Variants in SMYD3 observed in about 807,000 individuals in gnomAD.
SMYD3 encodes the protein histone-lysine N-methyltransferase SMYD3.
SMYD3 carries 36 observed loss-of-function variants against 57.7 expected under a neutral mutation model. The ratio of observed to expected loss-of-function variants is 0.62; its 90% confidence interval spans 0.48 to 0.82. SMYD3 has a LOEUF of 0.82. Ranked by LOEUF, SMYD3 falls within the 40% of genes least tolerant of loss-of-function variation. The pLI is 0.00. For synonymous variants in SMYD3, 211 were observed against 195.0 expected (o/e 1.08, Z -0.68); for missense variants, 515 against 538.8 (o/e 0.96, Z 0.44).
chr1:245,954,444 C>T (rs778371266), intron 5 of SMYD3, among the ~76,000 whole-genome samples: 16 of 152,126 alleles, frequency 1.1e-4, no homozygotes, highest in Admixed American at 5.9e-4. Flanking sequence ...GAGACTGAGG[C>T]GGGCAGATTA....
intron 5 of SMYD3, among the ~76,000 whole-genome samples, chr1:246,157,828 T>A (rs1438744968): frequency 1.3e-5 from 2 of 152,244 alleles, no homozygotes; most frequent in African/African-American, 4.8e-5. Context: ...AATCGCAAGC[T>A]TCTGATCACT....
At chr1:246,093,879 A>G (rs911267326) in intron 5 of SMYD3, among the ~76,000 whole-genome samples, 3 of 152,160 alleles carry the variant, frequency 2.0e-5, no homozygotes, top group Admixed American at 6.5e-5. Flanking sequence ...ATTCATTGGC[A>G]GTCCCCTTCT....
At chr1:246,418,311 C>T (rs1413244350) in intron 1 of SMYD3, among the ~76,000 whole-genome samples, 1 of 152,208 alleles carries the variant, frequency 6.6e-6, no homozygotes, top group African/African-American at 2.4e-5. Context: ...GTTCCCTTGT[C>T]CCCCTCTGCC....
chr1:246,108,409 T>C lies in SMYD3; in HGVS notation c.532-178472A>G, dbSNP rs184176362. On this transcript the variant is annotated intron_variant, in intron 5 of 11. Coordinates refer to ENST00000490107, the MANE Select transcript of SMYD3 (RefSeq NM_001167740.2). ...CGTACTTAAAATCTCAGCAAAGAGA[T>C]CACACCCTCACACAATTAATGTTAT... Among the ~76,000 whole-genome samples, 20 of 152,288 alleles carry C rather than the reference T, an allele frequency of 1.3e-4. No individual in the cohort carries two copies. In the East Asian group the frequency reaches 3.5e-3, roughly 26 times the overall value.
chr1:245,927,573 C>T (rs901450633), intron 7 of SMYD3, among the ~76,000 whole-genome samples: 2 of 152,154 alleles, frequency 1.3e-5, no homozygotes, highest in South Asian at 2.1e-4. Flanking sequence ...CCCCTGCCCA[C>T]GGAAGGATAT....
chr1:245,879,483 G>T (rs1674530169), intron 8 of SMYD3, among the ~76,000 whole-genome samples: 1 of 152,220 alleles, frequency 6.6e-6, no homozygotes, highest in Admixed American at 6.5e-5. Flanking sequence ...ACGCTTCAGT[G>T]CTCTCTGAGC....
At chr1:246,047,509 G>C (rs1009062419) in intron 5 of SMYD3, among the ~76,000 whole-genome samples, 2 of 152,162 alleles carry the variant, frequency 1.3e-5, no homozygotes, top group African/African-American at 4.8e-5. Flanking sequence ...ATACACAAAA[G>C]AATTTCTAGA....
At chr1:246,323,983 C>T (rs2065293701) in intron 5 of SMYD3, among the ~76,000 whole-genome samples, 1 of 152,096 alleles carries the variant, frequency 6.6e-6, no homozygotes, top group Admixed American at 6.5e-5. Flanking sequence ...CTGATAGAAA[C>T]ATGAAGATTC....
chr1:245,833,725 C>A (rs991465996), intron 10 of SMYD3, among the ~76,000 whole-genome samples: 1 of 152,110 alleles, frequency 6.6e-6, no homozygotes, highest in Non-Finnish European at 1.5e-5. Context: ...ATCAAATGGG[C>A]AAGCATGTAC....
chr1:245,837,331 G>A (rs528560153), intron 10 of SMYD3, among the ~76,000 whole-genome samples: 12 of 152,112 alleles, frequency 7.9e-5, no homozygotes, highest in Admixed American at 2.6e-4. Context: ...GAAATCCCCC[G>A]TAGTGCAGGG....
chr1:245,912,003 CTATCA>C (rs1267093628), intron 8 of SMYD3, among the ~76,000 whole-genome samples: 3 of 151,990 alleles, frequency 2.0e-5, no homozygotes, highest in Non-Finnish European at 4.4e-5. Flanking sequence ...ATATGTACAA[CTATCA>C]TATATCAATA....
At chr1:246,277,756 G>A (rs1051663251) in intron 5 of SMYD3, among the ~76,000 whole-genome samples, 4 of 152,180 alleles carry the variant, frequency 2.6e-5, no homozygotes, top group African/African-American at 9.7e-5. Context: ...TATGCTAAGT[G>A]AAAAGAGTCA....
intron 1 of SMYD3, among the ~76,000 whole-genome samples, chr1:246,415,055 G>C (rs1287560181): frequency 6.6e-6 from 1 of 152,064 alleles, no homozygotes; most frequent in Non-Finnish European, 1.5e-5. Flanking sequence ...GTAAATCCTG[G>C]TGAGCAGAAC....
intron 10 of SMYD3, among the ~76,000 whole-genome samples, chr1:245,857,021 C>T (rs74667387): frequency 0.026 from 3,974 of 152,262 alleles, 85 homozygotes; most frequent in Non-Finnish European, 0.037. Flanking sequence ...TTCGTATTTT[C>T]CGAGAACCCA....
chr1:245,964,058 C>T (rs535266896), intron 5 of SMYD3, among the ~76,000 whole-genome samples: 4 of 152,228 alleles, frequency 2.6e-5, no homozygotes, highest in African/African-American at 7.2e-5. Flanking sequence ...AGAGTGTAGG[C>T]GTCTGCTTCT....
At chr1:246,282,305 CAAAAAAAAAAAAAAAAAAAAA>C (rs57740230) in intron 5 of SMYD3, among the ~76,000 whole-genome samples, 37 of 67,936 alleles carry the variant, frequency 5.4e-4, no homozygotes, top group African/African-American at 2.0e-3. Context: ...CTCATCTCTA[CAAAAAAAAAAAAAAAAAAAAA>C]AAAAAAAAAA....
intron 1 of SMYD3, among the ~76,000 whole-genome samples, chr1:246,436,900 C>CT (rs61263648): frequency 0.32 from 40,649 of 128,276 alleles, 6,674 homozygotes; most frequent in East Asian, 0.37. Flanking sequence ...GAGTTTCTTT[C>CT]TTTTTTTTTT....
chr1:246,005,880 G>A (rs376565333), intron 5 of SMYD3, among the ~76,000 whole-genome samples: 38 of 152,298 alleles, frequency 2.5e-4, no homozygotes, highest in African/African-American at 7.7e-4. Flanking sequence ...ATATGGAGCC[G>A]TGGTTACAGG....
At chr1:245,897,749 T>A (rs1456611295) in intron 8 of SMYD3, among the ~76,000 whole-genome samples, 1 of 151,930 alleles carries the variant, frequency 6.6e-6, no homozygotes, top group Non-Finnish European at 1.5e-5. Context: ...TATAAAAAAT[T>A]AGCCAGGTGT....
Sources: allele counts gnomAD v4.1 joint callset (sites outside exome capture counted in the v4.1 genomes callset), GRCh38; gene constraint gnomAD v4.1.1; transcripts MANE v1.5; gene names NCBI Gene and HGNC (gene_info 2026-07-23, HGNC 2026-07-21).